The following CCDC141 variants were observed in gnomAD, a reference collection of about 807,000 sequenced individuals.
CCDC141 encodes coiled-coil domain containing 141.
CCDC141 carries 168 observed loss-of-function variants against 181.0 expected under a neutral mutation model. That is an observed-to-expected ratio of 0.93 (90% CI 0.82 to 1.05). CCDC141 has a LOEUF of 1.05. Ranked by LOEUF, CCDC141 falls within the 50% of genes least tolerant of loss-of-function variation. The probability of loss-of-function intolerance (pLI) is 0.00; values close to 1 mark genes in which losing one functional copy is unlikely to be tolerated. For synonymous variants in CCDC141, 666 were observed against 642.3 expected (o/e 1.04, Z -0.56); for missense variants, 1,902 against 1,788.5 (o/e 1.06, Z -1.14).
chr2:178,879,717 A>G (rs753532760), intron 11 of CCDC141, among the ~76,000 whole-genome samples: 1 of 152,178 alleles, frequency 6.6e-6, no homozygotes, highest in African/African-American at 2.4e-5. Context: ...CTCTATATGG[A>G]GTAAATAGGG....
chr2:178,882,098 G>A (rs1269115674), intron 11 of CCDC141, among the ~76,000 whole-genome samples: 1 of 152,100 alleles, frequency 6.6e-6, no homozygotes, highest in African/African-American at 2.4e-5. Context: ...ATGGCCAGGT[G>A]TGGGAACTCA....
intron 2 of CCDC141, among the ~76,000 whole-genome samples, chr2:179,039,441 T>C (rs1479035779): frequency 6.6e-6 from 1 of 152,186 alleles, no homozygotes; most frequent in Non-Finnish European, 1.5e-5. Context: ...ACTTTTTCTT[T>C]GAAAAGCAGC....
At chr2:178,839,997 T>C (rs1684656407) in intron 22 of CCDC141, among the ~76,000 whole-genome samples, 1 of 152,234 alleles carries the variant, frequency 6.6e-6, no homozygotes, top group Admixed American at 6.5e-5. Flanking sequence ...ACTTTGAGAA[T>C]GTGTGCCTTA....
intron 7 of CCDC141, among the ~76,000 whole-genome samples, chr2:178,906,145 T>C (rs1687957587): frequency 1.3e-5 from 2 of 152,228 alleles, no homozygotes. Flanking sequence ...AATAGGATTA[T>C]GCATAAAAAA....
intron 2 of CCDC141, among the ~76,000 whole-genome samples, chr2:179,035,669 C>A (rs2043125922): frequency 6.6e-6 from 1 of 152,162 alleles, no homozygotes; most frequent in Non-Finnish European, 1.5e-5. Flanking sequence ...AGCCTCAGTT[C>A]TCCTCAACAT....
intron 8 of CCDC141, among the ~76,000 whole-genome samples, chr2:178,900,804 G>T (rs1687649226): frequency 6.6e-6 from 1 of 152,128 alleles, no homozygotes; most frequent in African/African-American, 2.4e-5. Flanking sequence ...TGGTCAAGAG[G>T]CCGGGACTGG....
chr2:179,048,670 A>G (rs340336), intron 1 of CCDC141, among the ~76,000 whole-genome samples: 150,889 of 152,306 alleles, frequency 0.99, 74,761 homozygotes, highest in Middle Eastern at 1. Flanking sequence ...CTACTTCTGC[A>G]TCAGGCTTCT....
intron 7 of CCDC141, among the ~76,000 whole-genome samples, chr2:178,917,794 C>A (rs1048136261): frequency 6.6e-6 from 1 of 152,184 alleles, no homozygotes; most frequent in Non-Finnish European, 1.5e-5. Context: ...AGAGGAGAAG[C>A]AGAGCACTCC....
chr2:178,821,961 T>C, the CCDC141 span, among the ~76,000 whole-genome samples: 1 of 152,144 alleles, frequency 6.6e-6, no homozygotes, highest in African/African-American at 2.4e-5. Context: ...TGCACACGTA[T>C]GTTTATTGTG....
In CCDC141 at chr2:178,845,665, TG is replaced by T. The variant is rs1161129916; in HGVS notation, c.3434del (p.Ala1145GlufsTer37). On this transcript the variant is annotated frameshift_variant, in exon 22 of 24. Coordinates refer to ENST00000443758, the MANE Select transcript of CCDC141 (RefSeq NM_173648.4). LOFTEE classifies it high-confidence loss of function. ...CATTGAATATTGTCTGCTTATTTTT[TG>T]CTGGTTCCTTTAGCAAGTCAATGTA... ...YDYIDLLKEP[A>X]KNKQTIFNEE... The T allele has an allele frequency of 6.2e-7, 1 of 1,611,360 alleles. No homozygotes were observed. Among genetic ancestry groups the T allele is most frequent in the Admixed American group, 1.7e-5 (1 of 59,984 alleles).
chr2:178,823,424 T>C, the CCDC141 span, among the ~76,000 whole-genome samples: 1 of 152,138 alleles, frequency 6.6e-6, no homozygotes, highest in African/African-American at 2.4e-5. Context: ...TATTAGCATA[T>C]AAACCATTAG....
At chr2:178,924,675 C>T (rs1263264329) in intron 6 of CCDC141, among the ~76,000 whole-genome samples, 1 of 152,158 alleles carries the variant, frequency 6.6e-6, no homozygotes, top group Non-Finnish European at 1.5e-5. Flanking sequence ...TGTCTTGCCT[C>T]AGTCTCCCAT....
chr2:178,988,441 C>T (rs1423746162), intron 2 of CCDC141, among the ~76,000 whole-genome samples: 1 of 150,658 alleles, frequency 6.6e-6, no homozygotes, highest in Non-Finnish European at 1.5e-5. Flanking sequence ...GCACAATGTG[C>T]ACATGTACCC....
intron 8 of CCDC141, among the ~76,000 whole-genome samples, chr2:178,890,752 A>C (rs1372834438): frequency 1.3e-5 from 2 of 152,172 alleles, no homozygotes; most frequent in Non-Finnish European, 2.9e-5. Flanking sequence ...TTGAATACAA[A>C]ATGAACTCTC....
Position 179,047,349 on chromosome 2 carries a change from C to T in CCDC141, c.160G>A (p.Gly54Ser). 1 of 1,541,116 alleles carries T rather than the reference C, an allele frequency of 6.5e-7. No homozygotes were observed. Among genetic ancestry groups the T allele is most frequent in the Non-Finnish European group, 8.7e-7 (1 of 1,144,074 alleles). Residue 54 changes from glycine (G) to serine (S), a missense_variant, in exon 2 of 24, where the codon GGC becomes AGC. Transcript: ENST00000443758. ...AESQPNLLEI[G>S]SSQDETKKLL... ...TTTTTGGTTTCATCTTGACTGCTGC[C>T]AATTTCTAGAAGATTGGGCTGTGAT... is the stretch of plus-strand genomic sequence containing the variant.
rs188721100 is a variant in CCDC141 at position 178,913,118 on chromosome 2, C to T, written c.1092+5595G>A. ...CAGGGATTATATCTTTCATTGCTTTCGCTCAAGTACCCATTTGATGCATGG... is the reference window on the plus strand; with the variant it reads ...CAGGGATTATATCTTTCATTGCTTTTGCTCAAGTACCCATTTGATGCATGG... On this transcript the variant is annotated intron_variant, in intron 7 of 23. Transcript: ENST00000443758. Among the ~76,000 whole-genome samples, 57 of 152,258 alleles carry T rather than the reference C, an allele frequency of 3.7e-4. 1 individual carries two copies. Among genetic ancestry groups the T allele is most frequent in the Admixed American group, 2.9e-3 (45 of 15,292 alleles).
At chr2:178,862,158 C>T (rs1378613077) in intron 17 of CCDC141, among the ~76,000 whole-genome samples, 2 of 152,150 alleles carry the variant, frequency 1.3e-5, no homozygotes, top group African/African-American at 4.8e-5. Flanking sequence ...AGAATTTGTG[C>T]CATTAGAACA....
intron 2 of CCDC141, among the ~76,000 whole-genome samples, chr2:179,019,729 G>A (rs570796374): frequency 6.6e-6 from 1 of 152,080 alleles, no homozygotes; most frequent in South Asian, 2.1e-4. Context: ...ATTTTGCGGT[G>A]ATGGTAAGAT....
intron 2 of CCDC141, among the ~76,000 whole-genome samples, chr2:179,031,592 C>T (rs148645550): frequency 1.3e-5 from 2 of 151,916 alleles, no homozygotes; most frequent in East Asian, 1.9e-4. Context: ...CAATTTGAGA[C>T]ATTTATTCTT....
Sources: allele counts gnomAD v4.1 joint callset (sites outside exome capture counted in the v4.1 genomes callset), GRCh38; gene constraint gnomAD v4.1.1; transcripts MANE v1.5; gene names NCBI Gene and HGNC (gene_info 2026-07-23, HGNC 2026-07-21).